The following ARHGAP15 variants were observed in gnomAD, a reference collection of about 807,000 sequenced individuals.
ARHGAP15 encodes rho GTPase-activating protein 15.
Under a neutral mutation model 63.7 loss-of-function variants are expected in ARHGAP15, and 51 were observed. The ratio of observed to expected loss-of-function variants is 0.80; its 90% CI spans 0.64 to 1.01. ARHGAP15 has a LOEUF of 1.01. Among genes scored for constraint, ARHGAP15 ranks in the 50% least tolerant of loss-of-function variants. The pLI is 0.00. For synonymous variants in ARHGAP15, 191 were observed against 193.8 expected, an observed-to-expected ratio of 0.99 and a Z score of 0.12; for missense variants, 560 against 564.6, an observed-to-expected ratio of 0.99 and a Z score of 0.08.
intron 8 of ARHGAP15, among the ~76,000 whole-genome samples, chr2:143,471,351 C>T (rs1444888444): frequency 6.6e-6 from 1 of 150,970 alleles, no homozygotes; most frequent in African/African-American, 2.4e-5. Context: ...TTATCTGGGA[C>T]CAGAGTCTCT....
At chr2:143,179,097 TTTGGC>T (rs1245848466) in intron 2 of ARHGAP15, among the ~76,000 whole-genome samples, 2 of 152,228 alleles carry the variant, frequency 1.3e-5, no homozygotes, top group Non-Finnish European at 2.9e-5. Flanking sequence ...GATTACCTAA[TTTGGC>T]TAAGAATCAT....
chr2:143,578,577 G>C (rs1487052080), intron 11 of ARHGAP15, among the ~76,000 whole-genome samples: 1 of 152,084 alleles, frequency 6.6e-6, no homozygotes, highest in Non-Finnish European at 1.5e-5. Context: ...AAAGGTGGGG[G>C]GGTAGTTTTT....
At chr2:143,711,737 T>C (rs1684590200) in intron 13 of ARHGAP15, among the ~76,000 whole-genome samples, 1 of 152,148 alleles carries the variant, frequency 6.6e-6, no homozygotes, top group Non-Finnish European at 1.5e-5. Flanking sequence ...CAGATCAGCC[T>C]GGGCAACATA....
chr2:143,687,178 G>T (rs1215134227), intron 12 of ARHGAP15, among the ~76,000 whole-genome samples: 1 of 152,016 alleles, frequency 6.6e-6, no homozygotes, highest in Non-Finnish European at 1.5e-5. Flanking sequence ...TTTTCTTAAA[G>T]AAAAGAGGGA....
intron 12 of ARHGAP15, among the ~76,000 whole-genome samples, chr2:143,672,488 T>A (rs1042887783): frequency 1.2e-4 from 18 of 152,200 alleles, no homozygotes; most frequent in African/African-American, 3.4e-4. Context: ...TACAGATATT[T>A]TGTGATACAT....
At chr2:143,130,940 A>G (rs1688892732) in intron 1 of ARHGAP15, among the ~76,000 whole-genome samples, 1 of 152,120 alleles carries the variant, frequency 6.6e-6, no homozygotes, top group African/African-American at 2.4e-5. Context: ...ACTTTCTTTC[A>G]TTTTATTATA....
At chr2:143,306,122 C>A (rs1008081608) in intron 6 of ARHGAP15, among the ~76,000 whole-genome samples, 9 of 152,094 alleles carry the variant, frequency 5.9e-5, no homozygotes, top group African/African-American at 2.2e-4. Flanking sequence ...AGTAATATTA[C>A]TGGGCAAATT....
chr2:143,425,442 C>T (rs1240931433), intron 6 of ARHGAP15, among the ~76,000 whole-genome samples: 1 of 151,720 alleles, frequency 6.6e-6, no homozygotes, highest in African/African-American at 2.4e-5. Flanking sequence ...CGTATCACTA[C>T]ATCATATGTC....
chr2:143,662,283 G>C (rs1380605373), intron 12 of ARHGAP15, among the ~76,000 whole-genome samples: 1 of 150,770 alleles, frequency 6.6e-6, no homozygotes, highest in African/African-American at 2.4e-5. Flanking sequence ...GCCTAACTGG[G>C]AGGCACCCCC....
intron 6 of ARHGAP15, among the ~76,000 whole-genome samples, chr2:143,266,813 A>G (rs1681021864): frequency 6.6e-6 from 1 of 152,194 alleles, no homozygotes; most frequent in Admixed American, 6.5e-5. Flanking sequence ...TACTAACAGG[A>G]CAATACAAAG....
chr2:143,289,532 C>T (rs1018809775), intron 6 of ARHGAP15, among the ~76,000 whole-genome samples: 3 of 152,104 alleles, frequency 2.0e-5, no homozygotes, highest in African/African-American at 4.8e-5. Context: ...GCAGTAGACA[C>T]GATAGCAGTT....
chr2:143,379,226 C>T (rs1171515802), intron 6 of ARHGAP15, among the ~76,000 whole-genome samples: 1 of 151,972 alleles, frequency 6.6e-6, no homozygotes, highest in East Asian at 1.9e-4. Flanking sequence ...CTGTGCACCA[C>T]ATGAGTAAAT....
chr2:143,767,276 T>C (rs1024518113), intron 13 of ARHGAP15, among the ~76,000 whole-genome samples: 9 of 152,156 alleles, frequency 5.9e-5, no homozygotes, highest in African/African-American at 2.2e-4. Flanking sequence ...AGGCAAGTCA[T>C]TACCATTAAT....
At chr2:143,747,424 C>T (rs1686212095) in intron 13 of ARHGAP15, among the ~76,000 whole-genome samples, 1 of 152,170 alleles carries the variant, frequency 6.6e-6, no homozygotes, top group Non-Finnish European at 1.5e-5. Context: ...TCACTCTTTA[C>T]ACTGTACATT....
At chr2:143,481,998 A>G (rs1439176807) in intron 8 of ARHGAP15, among the ~76,000 whole-genome samples, 1 of 152,234 alleles carries the variant, frequency 6.6e-6, no homozygotes, top group African/African-American at 2.4e-5. Context: ...GTCTTTGAAA[A>G]GCATTCTATT....
At chr2:143,176,322 A>G (rs181052969) in intron 2 of ARHGAP15, among the ~76,000 whole-genome samples, 106 of 152,330 alleles carry the variant, frequency 7.0e-4, no homozygotes, top group African/African-American at 2.5e-3. Flanking sequence ...AAAACAATTG[A>G]GAAAAGTATT....
chr2:143,540,574 G>A (rs77954312), intron 10 of ARHGAP15, among the ~76,000 whole-genome samples: 1 of 152,106 alleles, frequency 6.6e-6, no homozygotes, highest in African/African-American at 2.4e-5. Context: ...CAGGCCTGGT[G>A]GTGACAAAAT....
chr2:143,472,769 G>A (rs532532923), intron 8 of ARHGAP15, among the ~76,000 whole-genome samples: 4 of 152,092 alleles, frequency 2.6e-5, no homozygotes, highest in Non-Finnish European at 5.9e-5. Flanking sequence ...AAAGCACTGT[G>A]ATATTGTACA....
intron 13 of ARHGAP15, among the ~76,000 whole-genome samples, chr2:143,708,936 CTCCTAGAATCTTATCAACTACA>C (rs1370956617): frequency 6.6e-6 from 1 of 152,136 alleles, no homozygotes; most frequent in Non-Finnish European, 1.5e-5. Flanking sequence ...AATATAAACA[CTCCTAGAATCTTATCAACTACA>C]TATCCACCTA....
Sources: gnomAD v4.1 joint callset for allele counts (sites outside exome capture counted in the v4.1 genomes callset) on GRCh38, gnomAD v4.1.1 for gene constraint, MANE v1.5 for transcripts, NCBI Gene and HGNC (gene_info 2026-07-23, HGNC 2026-07-21) for gene names.